The following IL7 variants were observed in gnomAD, a reference collection of about 807,000 sequenced individuals.
IL7 encodes interleukin 7.
A neutral mutation model predicts 21.6 loss-of-function variants in IL7; 3 were observed. That is an observed-to-expected ratio of 0.14 (90% CI 0.06 to 0.36). IL7 has a LOEUF of 0.36. Among genes scored for constraint, IL7 ranks in the 10% least tolerant of loss-of-function variants. The pLI is 1.00. For missense variants in IL7, 175 were observed against 200.2 expected, an observed-to-expected ratio of 0.87 and a Z score of 0.76; for synonymous variants, 62 against 68.1, an observed-to-expected ratio of 0.91 and a Z score of 0.44.
chr8:78,684,521 A>G (rs1809895956), intron 4 of IL7, among the ~76,000 whole-genome samples: 1 of 152,194 alleles, frequency 6.6e-6, no homozygotes, highest in South Asian at 2.1e-4. Context: ...TCAAGATGAG[A>G]TTTGGGTGGG....
At chr8:78,715,219 A>G (rs893826313), downstream of IL7, 1 of 1,611,410 alleles carries the variant, frequency 6.2e-7, no homozygotes, top group Non-Finnish European at 8.5e-7. Flanking sequence ...TCTTTTTTAT[A>G]GAGCTAATGT....
At chr8:78,800,324 G>A (rs917437052) in intron 1 of IL7, among the ~76,000 whole-genome samples, 1 of 151,986 alleles carries the variant, frequency 6.6e-6, no homozygotes, top group African/African-American at 2.4e-5. Flanking sequence ...TTGAGACAGG[G>A]TTTCACTCTG....
rs371630671 is a variant in IL7, at chr8:78,686,601, T to C, written n.215-654A>G. On this transcript the variant is annotated intron_variant and non_coding_transcript_variant, in intron 3 of 4. Transcript: ENST00000523959. ...TTCCTCCTCCTCCTCCACCTTCTTA[T>C]GATCCTGGTATTTGGAATATTGTTG... The C allele has an allele frequency of 6.6e-6, 10 of 1,509,752 alleles. No homozygotes were observed. In the Admixed American group the frequency reaches 8.5e-5, roughly 13 times the overall value. The allele number at this position is 1,509,752 out of a possible 1,614,324, so 93.5% of individuals were successfully genotyped here. A position where few individuals can be genotyped will look rare whatever the true frequency, so the allele number is the denominator to read the frequency against.
At chr8:78,741,708 G>C (rs190741597) in intron 2 of IL7, among the ~76,000 whole-genome samples, 46 of 152,254 alleles carry the variant, frequency 3.0e-4, no homozygotes, top group Non-Finnish European at 6.6e-4. Context: ...GCTTGATATG[G>C]AATGTAAATG....
chr8:78,686,427 G>GTTTA lies in IL7; in HGVS notation n.215-481_215-480insTAAA, dbSNP rs1032403944. 5 of 1,224,324 alleles carry GTTTA rather than the reference G, an allele frequency of 4.1e-6. No individual in the cohort carries two copies. In the African/African-American group the frequency reaches 9.8e-5, roughly 24 times the overall value. 75.8% of individuals were successfully genotyped at this position (1,224,324 alleles called of 1,614,324 possible). ...TATTTCAATATACTAAAAAGATACT[G>GTTTA]TTTGTTTATTTATTTATTTATTTAT... On this transcript the variant is annotated intron_variant and non_coding_transcript_variant, in intron 3 of 4. Coordinates refer to the IL7 transcript ENST00000523959.
downstream of IL7, among the ~76,000 whole-genome samples, chr8:78,730,047 T>C (rs1811398113): frequency 6.6e-6 from 1 of 151,876 alleles, no homozygotes. Flanking sequence ...AAATCAGTAA[T>C]CAACAATAAT....
In IL7 at chr8:78,726,306, C is replaced by T. The variant is rs548755662; in HGVS notation, n.268-4866G>A. Among the ~76,000 whole-genome samples the T allele has an allele frequency of 6.6e-5, 10 of 151,896 alleles. No individual in the cohort carries two copies. The South Asian group carries it at 2.1e-3, about 32-fold the overall frequency. ...AATGTGATTGATATGTGCAAATGTA[C>T]AAGAGAGGAAAGAGTATTTCATGAA... On this transcript the variant is annotated intron_variant and non_coding_transcript_variant, in intron 3 of 6. Coordinates refer to the IL7 transcript ENST00000519833.
At chr8:78,799,647 C>CAT (rs575822463) in intron 1 of IL7, among the ~76,000 whole-genome samples, 62 of 150,682 alleles carry the variant, frequency 4.1e-4, no homozygotes, top group African/African-American at 8.0e-4. Flanking sequence ...TATAAAATCT[C>CAT]ATATATATAT....
Position 78,738,565 on chromosome 8 carries a change from A to G in IL7, c.299T>C (p.Phe100Ser). ...QFLKMNSTGDFDLHLLKVSEG... is the reference protein window; with the variant it reads ...QFLKMNSTGDSDLHLLKVSEG... ...TGAAACTTTTAATAAGTGGAGATCA[A>G]AATCACCAGTGCTATTCATTTTAAG... Residue 100 changes from phenylalanine to serine, a missense_variant, in exon 4 of 6, where the codon TTT (phenylalanine) becomes TCT (serine). Transcript: ENST00000263851. The G allele has an allele frequency of 1.9e-6, 3 of 1,613,446 alleles. No individual in the cohort carries two copies. The highest frequency in any genetic ancestry group is 2.5e-6 in the Non-Finnish European group (3 of 1,179,398).
intron 4 of IL7, among the ~76,000 whole-genome samples, chr8:78,678,042 T>C (rs542624035): frequency 6.6e-6 from 1 of 152,302 alleles, no homozygotes; most frequent in South Asian, 2.1e-4. Context: ...GCAGTGAGAA[T>C]GACCAGAGGT....
Position 78,740,021 on chromosome 8 carries a change from T to G in IL7, c.209A>C (p.His70Pro), listed in dbSNP as rs762985197. The G allele has an allele frequency of 6.5e-7, 1 of 1,542,358 alleles. No homozygotes were observed. The highest frequency in any genetic ancestry group is 2.5e-5 in the East Asian group (1 of 40,676). The change falls in exon 3 of 6, where the codon CAT (histidine) becomes CCT (proline). Residue 70 changes from histidine to proline, a missense_variant. By Grantham distance (77) the His-to-Pro change is moderately conservative (BLOSUM62 -2). Transcript: ENST00000263851. The stretch of plus-strand genomic sequence containing the variant: ...CATTACCTTATTAGCATCACAGATA[T>G]GTCTTTTAAAAAAGTTAAATTCATT... ...LNNEFNFFKRHICDANKEGMF... is the reference protein window; with the variant it reads ...LNNEFNFFKRPICDANKEGMF...
At chr8:78,764,270 A>G (rs759959543) in intron 2 of IL7, among the ~76,000 whole-genome samples, 1 of 151,980 alleles carries the variant, frequency 6.6e-6, no homozygotes, top group South Asian at 2.1e-4. Context: ...AGGTTTCCTG[A>G]TAATAAAAAA....
chr8:78,740,216 C>T (rs2130691504), intron 2 of IL7, 134 bp from the exon 3 acceptor site: 1 of 425,126 alleles, frequency 2.4e-6, no homozygotes, highest in South Asian at 9.5e-5. Context: ...TTGCCTGGCT[C>T]AGCTGACTAA....
intron 2 of IL7, among the ~76,000 whole-genome samples, chr8:78,778,237 G>T (rs924073669): frequency 6.6e-5 from 10 of 152,050 alleles, no homozygotes; most frequent in Admixed American, 6.6e-5. Context: ...ATAAATGCAT[G>T]CAAAATTGCA....
downstream of IL7, among the ~76,000 whole-genome samples, chr8:78,732,163 A>C (rs957353629): frequency 1.3e-5 from 2 of 152,122 alleles, no homozygotes; most frequent in Non-Finnish European, 2.9e-5. Flanking sequence ...CTGAAGAAAG[A>C]AAGCTTGGTG....
chr8:78,678,490 A>G (rs1004325080), intron 4 of IL7: 7 of 1,137,244 alleles, frequency 6.2e-6, no homozygotes, highest in African/African-American at 3.2e-5. Context: ...ACTGGTCTCA[A>G]TGTAAATAAA....
In IL7 at chr8:78,733,661, T is replaced by G; in HGVS notation, c.*52A>C. On this transcript the variant is annotated 3_prime_UTR_variant, in exon 6 of 6. Coordinates refer to ENST00000263851, the MANE Select transcript of IL7 (RefSeq NM_000880.4). ...TGAAAAACTGCATAAGCAGATAGAT[T>G]CTTGGAGGATGCAGCTAAAGTTCGT... 1 of 1,574,814 alleles carries G rather than the reference T, an allele frequency of 6.3e-7. No homozygotes were observed. The highest frequency in any genetic ancestry group is 8.6e-7 in the Non-Finnish European group (1 of 1,161,222).
chr8:78,717,990 T>A (rs1811159116), exon 7 of IL7: 1 of 152,270 alleles, frequency 6.6e-6, no homozygotes, highest in Non-Finnish European at 1.5e-5. Context: ...ATTAGGTATG[T>A]TAAGGTCACT....
At chr8:78,755,177 C>A (rs987445077) in intron 2 of IL7, among the ~76,000 whole-genome samples, 2 of 151,846 alleles carry the variant, frequency 1.3e-5, no homozygotes, top group Admixed American at 6.6e-5. Context: ...CTATTCCATT[C>A]CCTTGGTCTA....
Sources: gnomAD v4.1 joint callset for allele counts (sites outside exome capture counted in the v4.1 genomes callset) on GRCh38, gnomAD v4.1.1 for gene constraint, MANE v1.5 for transcripts, NCBI Gene and HGNC (gene_info 2026-07-23, HGNC 2026-07-21) for gene names.